The following APOLD1 variants were observed in gnomAD, a reference collection of about 807,000 sequenced individuals.
APOLD1 encodes the protein apolipoprotein L domain containing 1, also known as apolipoprotein L domain-containing protein 1.
A neutral mutation model predicts 15.3 loss-of-function variants in APOLD1; 22 were observed. The observed-to-expected ratio is 1.44, with a 90% CI of 1.03 to 2.05. The LOEUF is 2.05. Among genes scored for constraint, APOLD1 ranks in the 30% most tolerant of loss-of-function variants. The pLI is 0.00. For synonymous variants in APOLD1, 190 were observed against 167.4 expected, an observed-to-expected ratio of 1.13 and a Z score of -1.04; for missense variants, 394 against 353.5, an observed-to-expected ratio of 1.11 and a Z score of -0.92.
intron 1 of APOLD1, among the ~76,000 whole-genome samples, chr12:12,740,121 AC>A: frequency 6.6e-6 from 1 of 152,132 alleles, no homozygotes; most frequent in African/African-American, 2.4e-5. Flanking sequence ...AGTTGGGACT[AC>A]AGGTGCGTGC....
At chr12:12,740,441 C>T (rs1946722440) in intron 1 of APOLD1, among the ~76,000 whole-genome samples, 1 of 152,140 alleles carries the variant, frequency 6.6e-6, no homozygotes, top group South Asian at 2.1e-4. Context: ...TCTATGGACA[C>T]CCTACTTTGC....
At chr12:12,746,312 A>C (rs1453575509) in intron 1 of APOLD1, among the ~76,000 whole-genome samples, 1 of 152,200 alleles carries the variant, frequency 6.6e-6, no homozygotes, top group East Asian at 1.9e-4. Flanking sequence ...CCTGGCCAAC[A>C]TGGTGAAACC....
exon 1 of APOLD1, chr12:12,726,028 C>T: frequency 1.3e-6 from 2 of 1,525,466 alleles, no homozygotes; most frequent in Non-Finnish European, 1.8e-6. Context: ...TCACCGGCTG[C>T]GGGCCAGGGG....
chr12:12,771,816 A>G (rs1050032288), intron 1 of APOLD1: 6 of 200,706 alleles, frequency 3.0e-5, no homozygotes, highest in African/African-American at 1.2e-4. Context: ...AATGACCACA[A>G]TGATACAAAA....
intron 1 of APOLD1, among the ~76,000 whole-genome samples, chr12:12,745,723 G>T (rs1205611022): frequency 6.6e-6 from 1 of 152,108 alleles, no homozygotes. Context: ...GCTGAGATTG[G>T]CCTCAAGGCA....
At chr12:12,754,758 G>T (rs1488831663) in intron 1 of APOLD1, among the ~76,000 whole-genome samples, 2 of 151,614 alleles carry the variant, frequency 1.3e-5, no homozygotes, top group African/African-American at 4.8e-5. Flanking sequence ...TGAAGTTATT[G>T]GCTGGACATG....
At chr12:12,747,767 A>G (rs1179942370) in intron 1 of APOLD1, among the ~76,000 whole-genome samples, 1 of 152,216 alleles carries the variant, frequency 6.6e-6, no homozygotes, top group African/African-American at 2.4e-5. Context: ...AAAAATTGAA[A>G]TGTAAGAAAA....
chr12:12,741,198 C>CT (rs1377174740), intron 1 of APOLD1, among the ~76,000 whole-genome samples: 5 of 152,088 alleles, frequency 3.3e-5, no homozygotes, highest in Non-Finnish European at 2.9e-5. Flanking sequence ...AACTGTCATA[C>CT]TTTTTTTACG....
At chr12:12,753,561 C>T (rs942098990) in intron 1 of APOLD1, among the ~76,000 whole-genome samples, 1 of 151,690 alleles carries the variant, frequency 6.6e-6, no homozygotes, top group African/African-American at 2.4e-5. Context: ...CCCAGCTACT[C>T]CAGAGGCTGA....
At chr12:12,781,833 A>G (rs891479986), upstream of APOLD1, among the ~76,000 whole-genome samples, 47 of 151,780 alleles carry the variant, frequency 3.1e-4, 1 homozygote, top group Admixed American at 2.0e-4. Flanking sequence ...GGCATACTTT[A>G]TCTTTAAAAT....
At chr12:12,729,683 C>T (rs1301732510) in intron 1 of APOLD1, among the ~76,000 whole-genome samples, 1 of 151,800 alleles carries the variant, frequency 6.6e-6, no homozygotes, top group East Asian at 1.9e-4. Context: ...TTGCTCTATC[C>T]CAGGAGTTCA....
chr12:12,732,340 G>T (rs1045969471), intron 1 of APOLD1, among the ~76,000 whole-genome samples: 5 of 152,202 alleles, frequency 3.3e-5, no homozygotes, highest in African/African-American at 1.2e-4. Context: ...CGCCGTGATT[G>T]TTAATTACTG....
At chr12:12,764,441 A>C (rs1430133206) in intron 1 of APOLD1, among the ~76,000 whole-genome samples, 1 of 152,222 alleles carries the variant, frequency 6.6e-6, no homozygotes, top group African/African-American at 2.4e-5. Context: ...CTATTTTTGT[A>C]AAAGAAAACC....
chr12:12,737,070 G>C (rs1946692831), intron 1 of APOLD1, among the ~76,000 whole-genome samples: 1 of 152,182 alleles, frequency 6.6e-6, no homozygotes, highest in Non-Finnish European at 1.5e-5. Flanking sequence ...GGTGAATACT[G>C]AATCTTTTGC....
intron 1 of APOLD1, among the ~76,000 whole-genome samples, chr12:12,762,500 G>A (rs955987560): frequency 5.9e-5 from 9 of 151,732 alleles, no homozygotes; most frequent in African/African-American, 1.9e-4. Context: ...GATTATAGAC[G>A]CGCACCACCA....
chr12:12,746,759 T>G (rs1051229201), intron 1 of APOLD1, among the ~76,000 whole-genome samples: 1 of 152,180 alleles, frequency 6.6e-6, no homozygotes, highest in Non-Finnish European at 1.5e-5. Context: ...ACGTAGTACC[T>G]GATAGGTAGC....
At chr12:12,773,772 G>A (rs1947006247) in intron 1 of APOLD1, among the ~76,000 whole-genome samples, 1 of 152,138 alleles carries the variant, frequency 6.6e-6, no homozygotes, top group African/African-American at 2.4e-5. Flanking sequence ...AGAATGGAGA[G>A]CCCCAAAGTG....
chr12:12,785,478 C>T (rs370785806), upstream of APOLD1: 14 of 661,128 alleles, frequency 2.1e-5, no homozygotes, highest in African/African-American at 1.8e-4. Flanking sequence ...ACACAATGTT[C>T]GTTTCCTAAA....
chr12:12,785,724 G>C, intron 1 of APOLD1, 30 bp downstream of exon 1: 2 of 1,603,278 alleles, frequency 1.2e-6, no homozygotes, highest in Non-Finnish European at 1.7e-6. Flanking sequence ...GCATATATTC[G>C]GGATGACTTT....
Sources: allele counts gnomAD v4.1 joint callset (sites outside exome capture counted in the v4.1 genomes callset), GRCh38; gene constraint gnomAD v4.1.1; transcripts MANE v1.5; gene names NCBI Gene and HGNC (gene_info 2026-07-23, HGNC 2026-07-21).